CSMD1: variants seen among roughly 807,000 people sequenced by gnomAD.
CSMD1 encodes CUB and sushi domain-containing protein 1.
Under a neutral mutation model 417.5 loss-of-function variants are expected in CSMD1, and 213 were observed. That is an observed-to-expected ratio of 0.51 (90% CI 0.46 to 0.57). The LOEUF is 0.57. Among genes scored for constraint, CSMD1 ranks in the 20% least tolerant of loss-of-function variants. CSMD1 has a pLI of 0.00. For synonymous variants in CSMD1, 2,862 were observed against 1,736.8 expected, an observed-to-expected ratio of 1.65 and a Z score of -16.11; for missense variants, 6,923 against 4,529.7, an observed-to-expected ratio of 1.53 and a Z score of -15.17.
At position 3,720,636 on chromosome 8, in the gene CSMD1, C is replaced by CACACACAT. The variant is rs1802102835; in HGVS notation, c.932-12146_932-12145insATGTGTGT. Among the ~76,000 whole-genome samples, 22 of 151,846 alleles carry CACACACAT rather than the reference C, an allele frequency of 1.4e-4. No homozygotes were observed. In the South Asian group the frequency reaches 4.4e-3, roughly 30 times the overall value. ...CTTTATTCTTACACACACACACACA[C>CACACACAT]ACACACACACACACACACACCAGCA... On this transcript the variant is annotated intron_variant, in intron 6 of 69. Coordinates refer to ENST00000635120, the MANE Select transcript of CSMD1 (RefSeq NM_033225.6).
At chr8:3,655,978 C>T (rs1441109826) in intron 7 of CSMD1, among the ~76,000 whole-genome samples, 1 of 152,118 alleles carries the variant, frequency 6.6e-6, no homozygotes, top group East Asian at 1.9e-4. Context: ...GCTCAGAACC[C>T]CTTTCACTGA....
At chr8:3,518,646 G>A (rs1178051792) in intron 10 of CSMD1, among the ~76,000 whole-genome samples, 5 of 152,070 alleles carry the variant, frequency 3.3e-5, no homozygotes, top group Admixed American at 2.0e-4. Context: ...ATGAAAGGAA[G>A]AAACAAATAA....
intron 7 of CSMD1, among the ~76,000 whole-genome samples, chr8:3,658,081 G>C (rs1798220658): frequency 6.6e-6 from 1 of 152,100 alleles, no homozygotes; most frequent in African/African-American, 2.4e-5. Flanking sequence ...ATTCAGCACT[G>C]ATTATCACAA....
chr8:2,971,098 C>A (rs1253967211), intron 57 of CSMD1, among the ~76,000 whole-genome samples: 2 of 152,184 alleles, frequency 1.3e-5, no homozygotes. Flanking sequence ...CAAAGGCATT[C>A]TCTTACATAA....
At chr8:4,865,978 T>A (rs1802401900) in intron 1 of CSMD1, among the ~76,000 whole-genome samples, 1 of 151,994 alleles carries the variant, frequency 6.6e-6, no homozygotes, top group South Asian at 2.1e-4. Flanking sequence ...CAGGAAGTCC[T>A]TGAGATGTAA....
intron 12 of CSMD1, among the ~76,000 whole-genome samples, chr8:3,448,322 AG>A (rs1468852243): frequency 5.0e-4 from 1 of 2,014 alleles, no homozygotes; most frequent in Non-Finnish European, 1.3e-3. Context: ...GAAGGAAGGA[AG>A]GGAGCAAGGG....
At chr8:3,175,395 A>G (rs1226464544) in intron 37 of CSMD1, among the ~76,000 whole-genome samples, 3 of 151,880 alleles carry the variant, frequency 2.0e-5, no homozygotes, top group South Asian at 2.1e-4. Flanking sequence ...TTCTATCAGG[A>G]TTTTCTACTT....
intron 2 of CSMD1, among the ~76,000 whole-genome samples, chr8:4,432,457 C>T (rs1179598686): frequency 6.6e-6 from 1 of 152,122 alleles, no homozygotes; most frequent in Non-Finnish European, 1.5e-5. Flanking sequence ...ACTAATGACA[C>T]AAAAACTCAA....
At chr8:4,487,800 A>AT (rs1294393929) in intron 2 of CSMD1, among the ~76,000 whole-genome samples, 5 of 147,566 alleles carry the variant, frequency 3.4e-5, no homozygotes, top group Non-Finnish European at 6.0e-5. Context: ...ACAAAAATTA[A>AT]TTAACTTAGG....
Position 3,826,641 on chromosome 8 carries a change from C to T in CSMD1, c.819-72599G>A, listed in dbSNP as rs892189695. On this transcript the variant is annotated intron_variant, in intron 5 of 69. Transcript: ENST00000635120. ...CTGCTGAGTATTACATCTGGATTCT[C>T]TGTTTATCTGCAGCTCGGGCATGGG... Among the ~76,000 whole-genome samples, 94 of 152,274 alleles carry T rather than the reference C, an allele frequency of 6.2e-4. 1 individual carries two copies. Among genetic ancestry groups the T allele is most frequent in the Middle Eastern group, 3.4e-3 (1 of 294 alleles).
Position 4,137,727 on chromosome 8 carries a change from C to T in CSMD1, c.416-105628G>A, listed in dbSNP as rs78365554. ...ACATCGATAAAGATACTGTATTTCA[C>T]GATGTTGTATTTTATATAAAATTAC... is the stretch of plus-strand genomic sequence containing the variant. On this transcript the variant is annotated intron_variant, in intron 3 of 69. Coordinates refer to ENST00000635120, the MANE Select transcript of CSMD1 (RefSeq NM_033225.6). 8.3e-5 allele frequency among the ~76,000 whole-genome samples: 7 copies of T among 84,752 alleles called. No individual in the cohort carries two copies. The East Asian group carries it at 1.5e-3, about 18-fold the overall frequency. The allele number at this position is 84,752 out of a possible 152,430, so 55.6% of individuals were successfully genotyped here. A position where few individuals can be genotyped will look rare whatever the true frequency, so the allele number is the denominator to read the frequency against.
chr8:3,298,576 C>G (rs992454975), intron 25 of CSMD1, among the ~76,000 whole-genome samples: 6 of 152,166 alleles, frequency 3.9e-5, no homozygotes, highest in Non-Finnish European at 7.3e-5. Context: ...GCCTCAGCCT[C>G]CCGAGTAGCT....
intron 4 of CSMD1, among the ~76,000 whole-genome samples, chr8:4,030,225 T>G (rs750031211): frequency 6.6e-6 from 1 of 152,150 alleles, no homozygotes; most frequent in Non-Finnish European, 1.5e-5. Flanking sequence ...CAGTAGGGAC[T>G]CTGTGGGGGA....
chr8:4,953,913 G>C (rs1215523513), intron 1 of CSMD1, among the ~76,000 whole-genome samples: 7 of 152,054 alleles, frequency 4.6e-5, no homozygotes, highest in African/African-American at 1.7e-4. Context: ...TAGGGATCAA[G>C]GGTTTTGATG....
intron 1 of CSMD1, among the ~76,000 whole-genome samples, chr8:4,644,666 C>T (rs919798253): frequency 1.3e-5 from 2 of 152,236 alleles, no homozygotes. Flanking sequence ...GCCTCAGCCT[C>T]CCAAAGTACT....
At chr8:3,618,859 A>T (rs73660392) in intron 7 of CSMD1, among the ~76,000 whole-genome samples, 12,477 of 152,208 alleles carry the variant, frequency 0.082, 723 homozygotes, top group East Asian at 0.24. Context: ...CCCAGTGACC[A>T]GTTTCCTCTC....
chr8:3,667,998 G>A (rs576749753), intron 7 of CSMD1, among the ~76,000 whole-genome samples: 1 of 152,254 alleles, frequency 6.6e-6, no homozygotes, highest in African/African-American at 2.4e-5. Context: ...CAATATGAGT[G>A]TCTGTGCGCC....
At chr8:4,462,718 G>T (rs1017149779) in intron 2 of CSMD1, among the ~76,000 whole-genome samples, 2 of 152,046 alleles carry the variant, frequency 1.3e-5, no homozygotes, top group Non-Finnish European at 2.9e-5. Context: ...TTGACAAGAT[G>T]CCAAAACAAT....
chr8:3,681,368 A>C (rs1158585067), intron 7 of CSMD1, among the ~76,000 whole-genome samples: 1 of 152,178 alleles, frequency 6.6e-6, no homozygotes, highest in Non-Finnish European at 1.5e-5. Flanking sequence ...AATGTGCAAA[A>C]ATCACAAGCA....
Sources: allele counts gnomAD v4.1 joint callset (sites outside exome capture counted in the v4.1 genomes callset), GRCh38; gene constraint gnomAD v4.1.1; transcripts MANE v1.5; gene names NCBI Gene and HGNC (gene_info 2026-07-23, HGNC 2026-07-21).